RRM1: variants seen among roughly 807,000 people sequenced by gnomAD.
The protein encoded by RRM1 is ribonucleoside-diphosphate reductase large subunit.
RRM1 carries 19 observed loss-of-function variants against 101.5 expected under a neutral mutation model. The observed-to-expected ratio is 0.19, with a 90% CI of 0.13 to 0.27. The LOEUF is 0.27. Ranked by LOEUF, RRM1 falls within the 10% of genes least tolerant of loss-of-function variation. The pLI is 1.00. For synonymous variants in RRM1, 298 were observed against 323.4 expected, an observed-to-expected ratio of 0.92 and a Z score of 0.84; for missense variants, 500 against 962.9, an observed-to-expected ratio of 0.52 and a Z score of 6.36.
At position 4,106,435 on chromosome 11, in the gene RRM1, C is replaced by T. The variant is rs372348329; in HGVS notation, c.286+212C>T. ...GCAATGTGGCGAAACCCCATCTCTA[C>T]GTTTTAAGAAAAATCTAAAATTATA... On this transcript the variant is annotated intron_variant, in intron 3 of 18. Coordinates refer to ENST00000300738, the MANE Select transcript of RRM1 (RefSeq NM_001033.5). Among the ~76,000 whole-genome samples the T allele has an allele frequency of 1.1e-3, 164 of 152,220 alleles. 2 individuals carry two copies. In the South Asian group the frequency reaches 0.032, roughly 29 times the overall value.
intron 18 of RRM1, among the ~76,000 whole-genome samples, chr11:4,136,580 C>T (rs534462669): frequency 7.9e-5 from 12 of 151,550 alleles, no homozygotes; most frequent in Non-Finnish European, 1.6e-4. Context: ...CTTTTTTAGA[C>T]GGAGTCTCGC....
At chr11:4,129,770 A>G (rs923785006) in intron 15 of RRM1, among the ~76,000 whole-genome samples, 1 of 152,056 alleles carries the variant, frequency 6.6e-6, no homozygotes, top group Non-Finnish European at 1.5e-5. Context: ...TGCATATGCA[A>G]AGTGATTAAT....
chr11:4,117,010 A>G (rs1234251044), intron 7 of RRM1, among the ~76,000 whole-genome samples: 1 of 152,176 alleles, frequency 6.6e-6, no homozygotes, highest in East Asian at 1.9e-4. Context: ...AAAGCCAAAT[A>G]GAAACATGGG....
Position 4,112,208 on chromosome 11 carries a change from T to G in RRM1, c.650+146T>G, listed in dbSNP as rs2133297617. 20 of 611,200 alleles carry G rather than the reference T, an allele frequency of 3.3e-5. No individual in the cohort carries two copies. The South Asian group carries it at 5.4e-4, about 16-fold the overall frequency. 37.9% of individuals were successfully genotyped at this position (611,200 alleles called of 1,614,324 possible). On this transcript the variant is annotated intron_variant, in intron 7 of 18. Coordinates refer to ENST00000300738, the MANE Select transcript of RRM1 (RefSeq NM_001033.5). ...ATTCTGGAAAGATCTCTGACTGTAA[T>G]GTGGTAAATGAATTGGAGAAAAGGC...
intron 9 of RRM1, among the ~76,000 whole-genome samples, chr11:4,120,759 A>G (rs563449901): frequency 1.8e-4 from 28 of 152,322 alleles, no homozygotes; most frequent in Admixed American, 1.4e-3. Flanking sequence ...TAATCCCAGC[A>G]CTTTGGGAGG....
intron 1 of RRM1, among the ~76,000 whole-genome samples, chr11:4,097,027 G>T (rs556670714): frequency 6.6e-6 from 1 of 151,850 alleles, no homozygotes; most frequent in Non-Finnish European, 1.5e-5. Flanking sequence ...GCTCACGCCT[G>T]TAATCCCAGC....
At chr11:4,124,712 G>A (rs2094586795) in intron 12 of RRM1, among the ~76,000 whole-genome samples, 1 of 151,916 alleles carries the variant, frequency 6.6e-6, no homozygotes, top group Non-Finnish European at 1.5e-5. Context: ...TTCGGGGGGC[G>A]TCAAGATTTC....
intron 2 of RRM1, 89 bp from the exon 3 acceptor site, chr11:4,105,956 AC>A: frequency 9.4e-7 from 1 of 1,064,310 alleles, no homozygotes; most frequent in East Asian, 2.5e-5. Flanking sequence ...GTACTACCAC[AC>A]CTGGCCATGA....
intron 17 of RRM1, among the ~76,000 whole-genome samples, chr11:4,133,980 AT>A (rs34715101): frequency 3.3e-4 from 30 of 90,858 alleles, no homozygotes; most frequent in East Asian, 1.0e-3. Context: ...CCAGACATCA[AT>A]TTTTTTTTTT....
intron 1 of RRM1, among the ~76,000 whole-genome samples, chr11:4,098,041 C>T (rs1016695464): frequency 1.3e-5 from 2 of 151,938 alleles, no homozygotes; most frequent in African/African-American, 4.8e-5. Context: ...ACATTGAGAA[C>T]CATTGCAGTA....
At chr11:4,095,896 GAA>G in intron 1 of RRM1, among the ~76,000 whole-genome samples, 1 of 152,164 alleles carries the variant, frequency 6.6e-6, no homozygotes, top group Non-Finnish European at 1.5e-5. Context: ...AGATACGTAT[GAA>G]CAAGTTTTGA....
intron 1 of RRM1, 143 bp downstream of exon 1, chr11:4,095,174 C>A: frequency 9.9e-6 from 10 of 1,013,806 alleles, no homozygotes; most frequent in Non-Finnish European, 1.5e-5. Flanking sequence ...CCCTGTCAGC[C>A]CGCTCGGCCT....
chr11:4,136,232 T>C (rs990083444), intron 18 of RRM1, among the ~76,000 whole-genome samples: 5 of 151,602 alleles, frequency 3.3e-5, no homozygotes, highest in African/African-American at 1.2e-4. Flanking sequence ...TATGTATGTA[T>C]GTATTTTGAG....
At chr11:4,121,255 T>C (rs1349020945) in intron 9 of RRM1, among the ~76,000 whole-genome samples, 1 of 152,214 alleles carries the variant, frequency 6.6e-6, no homozygotes, top group Non-Finnish European at 1.5e-5. Flanking sequence ...GCATGGCTTA[T>C]ACTGTCAAAG....
intron 15 of RRM1, among the ~76,000 whole-genome samples, chr11:4,130,026 A>G (rs1013216038): frequency 7.1e-6 from 1 of 140,476 alleles, no homozygotes; most frequent in Admixed American, 7.3e-5. Context: ...GTGTATTTAC[A>G]TGGAAATTCA....
intron 1 of RRM1, among the ~76,000 whole-genome samples, chr11:4,101,225 G>C (rs1193796731): frequency 6.6e-6 from 1 of 151,930 alleles, no homozygotes; most frequent in Non-Finnish European, 1.5e-5. Context: ...AGAAGGCCAA[G>C]TTGTCAAGGT....
intron 16 of RRM1, 73 bp from the exon 17 acceptor site, chr11:4,133,490 C>A: frequency 1.1e-6 from 1 of 898,156 alleles, no homozygotes; most frequent in Non-Finnish European, 1.8e-6. Context: ...TTAGTTTAAG[C>A]TTCAAAGCTG....
intron 1 of RRM1, among the ~76,000 whole-genome samples, chr11:4,098,947 AATAGT>A (rs138210652): frequency 0.014 from 2,088 of 152,294 alleles, 43 homozygotes; most frequent in African/African-American, 0.048. Flanking sequence ...CTGAACCCTA[AATAGT>A]ATTAAGAGCT....
chr11:4,131,251 T>C (rs750467202), intron 15 of RRM1, among the ~76,000 whole-genome samples: 4 of 152,194 alleles, frequency 2.6e-5, no homozygotes, highest in African/African-American at 4.8e-5. Context: ...GAACTCACTA[T>C]CTCATGAGAA....
Sources: gnomAD v4.1 joint callset for allele counts (sites outside exome capture counted in the v4.1 genomes callset) on GRCh38, gnomAD v4.1.1 for gene constraint, MANE v1.5 for transcripts, NCBI Gene and HGNC (gene_info 2026-07-23, HGNC 2026-07-21) for gene names.